Variants in CHSY3 observed in about 807,000 individuals in gnomAD.
CHSY3 encodes N-acetylgalactosaminyl-proteoglycan 3-beta-glucuronosyltransferase 3.
A neutral mutation model predicts 67.2 loss-of-function variants in CHSY3; 35 were observed. That is an observed-to-expected ratio of 0.52 (90% CI 0.40 to 0.69). CHSY3 has a LOEUF of 0.69. Ranked by LOEUF, CHSY3 falls within the 30% of genes least tolerant of loss-of-function variation. The probability of loss-of-function intolerance (pLI) is 0.00; values close to 1 mark genes in which losing one functional copy is unlikely to be tolerated. For missense variants in CHSY3, 1,069 were observed against 1,138.5 expected (o/e 0.94, Z 0.88); for synonymous variants, 474 against 434.7 (o/e 1.09, Z -1.12).
At chr5:130,051,069 A>G (rs1032764224) in intron 2 of CHSY3, among the ~76,000 whole-genome samples, 1 of 152,182 alleles carries the variant, frequency 6.6e-6, no homozygotes, top group African/African-American at 2.4e-5. Flanking sequence ...TTAACAAAAG[A>G]AAAACATGTT....
intron 2 of CHSY3, among the ~76,000 whole-genome samples, chr5:130,063,195 G>T (rs1157828211): frequency 6.6e-6 from 1 of 151,964 alleles, no homozygotes; most frequent in Non-Finnish European, 1.5e-5. Context: ...GTGAATATAT[G>T]TCTACTCGCC....
intron 2 of CHSY3, among the ~76,000 whole-genome samples, chr5:130,122,662 G>T (rs892670904): frequency 1.3e-5 from 2 of 152,102 alleles, no homozygotes; most frequent in Non-Finnish European, 2.9e-5. Flanking sequence ...GTTGCTTATG[G>T]CATTTCCAAA....
At chr5:130,052,970 GA>G (rs1283173498) in intron 2 of CHSY3, among the ~76,000 whole-genome samples, 1 of 152,110 alleles carries the variant, frequency 6.6e-6, no homozygotes, top group African/African-American at 2.4e-5. Flanking sequence ...TAATAATTAT[GA>G]AATACAGCAA....
At chr5:129,958,145 C>T (rs1406070000) in intron 2 of CHSY3, among the ~76,000 whole-genome samples, 1 of 152,084 alleles carries the variant, frequency 6.6e-6, no homozygotes, top group East Asian at 1.9e-4. Flanking sequence ...ATGTGATACT[C>T]TTCTTGAATA....
chr5:129,930,208 C>T (rs1761253669), intron 2 of CHSY3, among the ~76,000 whole-genome samples: 1 of 151,820 alleles, frequency 6.6e-6, no homozygotes, highest in Non-Finnish European at 1.5e-5. Context: ...TGGCTCATGC[C>T]TGTAATCCCA....
chr5:130,182,645 C>T (rs1770282782), intron 2 of CHSY3, among the ~76,000 whole-genome samples: 1 of 152,064 alleles, frequency 6.6e-6, no homozygotes, highest in African/African-American at 2.4e-5. Context: ...TTTATGTTTA[C>T]ATCAACAGGT....
chr5:129,954,460 C>T (rs1378124535), intron 2 of CHSY3, among the ~76,000 whole-genome samples: 4 of 143,602 alleles, frequency 2.8e-5, no homozygotes, highest in African/African-American at 7.6e-5. Flanking sequence ...CTTGGCTATA[C>T]GGTTTTTTTT....
intron 2 of CHSY3, among the ~76,000 whole-genome samples, chr5:130,143,734 G>GTGTATATA (rs1223966105): frequency 7.4e-5 from 7 of 94,662 alleles, no homozygotes; most frequent in Non-Finnish European, 1.2e-4. Context: ...GTGTGTGTGT[G>GTGTATATA]TATATATATA....
In CHSY3 at chr5:130,164,228, A is replaced by T. The variant is rs548603237; in HGVS notation, c.1087-20001A>T. On this transcript the variant is annotated intron_variant, in intron 2 of 2. Coordinates refer to ENST00000305031, the MANE Select transcript of CHSY3 (RefSeq NM_175856.5). ...TTGAGGATTAATATCGATGCCCTATAATAAAGATACTTGTAATAATTCAAA... is the reference window on the plus strand; with the variant it reads ...TTGAGGATTAATATCGATGCCCTATTATAAAGATACTTGTAATAATTCAAA... 1.4e-3 allele frequency among the ~76,000 whole-genome samples: 218 copies of T among 152,314 alleles called. 1 individual carries two copies. The highest frequency in any genetic ancestry group is 4.5e-3 in the African/African-American group (185 of 41,566).
At chr5:130,011,082 T>C (rs914732760) in intron 2 of CHSY3, among the ~76,000 whole-genome samples, 1 of 152,190 alleles carries the variant, frequency 6.6e-6, no homozygotes, top group Non-Finnish European at 1.5e-5. Context: ...CTGAAACTAT[T>C]CCATTGACTT....
At chr5:129,919,827 CA>C (rs1402447621) in intron 2 of CHSY3, among the ~76,000 whole-genome samples, 2 of 152,186 alleles carry the variant, frequency 1.3e-5, no homozygotes, top group Admixed American at 1.3e-4. Context: ...TATATATTAA[CA>C]AGTTATAGTT....
At chr5:129,975,362 T>C (rs1762776597) in intron 2 of CHSY3, among the ~76,000 whole-genome samples, 4 of 152,184 alleles carry the variant, frequency 2.6e-5, no homozygotes, top group South Asian at 2.1e-4. Context: ...TTATAATTTA[T>C]GACATTACAA....
chr5:130,007,601 A>G (rs987022196), intron 2 of CHSY3, among the ~76,000 whole-genome samples: 1 of 152,164 alleles, frequency 6.6e-6, no homozygotes, highest in Non-Finnish European at 1.5e-5. Context: ...AGGAGACCCC[A>G]TGACCCCTGT....
intron 2 of CHSY3, among the ~76,000 whole-genome samples, chr5:130,115,263 A>G (rs1767755059): frequency 6.6e-6 from 1 of 152,080 alleles, no homozygotes. Context: ...CCATAAATAC[A>G]GAGAACATAA....
chr5:130,049,441 G>T (rs895734324), intron 2 of CHSY3, among the ~76,000 whole-genome samples: 1 of 152,058 alleles, frequency 6.6e-6, no homozygotes, highest in African/African-American at 2.4e-5. Context: ...GCTGGCACAT[G>T]CCATAGAAAA....
chr5:130,132,775 T>G (rs1768525351), intron 2 of CHSY3, among the ~76,000 whole-genome samples: 1 of 152,134 alleles, frequency 6.6e-6, no homozygotes, highest in South Asian at 2.1e-4. Flanking sequence ...GGACTCCTAG[T>G]CAGTAGAAGC....
chr5:130,124,457 CTT>C (rs113386866), intron 2 of CHSY3, among the ~76,000 whole-genome samples: 10 of 142,578 alleles, frequency 7.0e-5, no homozygotes, highest in Admixed American at 2.1e-4. Flanking sequence ...ACAGAGCGAA[CTT>C]TTTTTTTTTT....
chr5:130,143,768 GTATATATATATATGTGTATATATA>G (rs1768963605), intron 2 of CHSY3, among the ~76,000 whole-genome samples: 1 of 64,970 alleles, frequency 1.5e-5, no homozygotes, highest in African/African-American at 5.9e-5. Context: ...GTGTGTGTGT[GTATATATATATATGTGTATATATA>G]TATATATATA....
chr5:129,939,774 C>T (rs1761640347), intron 2 of CHSY3, among the ~76,000 whole-genome samples: 1 of 152,094 alleles, frequency 6.6e-6, no homozygotes. Flanking sequence ...CATGCAGATC[C>T]TTTACTATCA....
Sources: gnomAD v4.1 joint callset for allele counts (sites outside exome capture counted in the v4.1 genomes callset) on GRCh38, gnomAD v4.1.1 for gene constraint, MANE v1.5 for transcripts, NCBI Gene and HGNC (gene_info 2026-07-23, HGNC 2026-07-21) for gene names.